MBD5: variants seen among roughly 807,000 people sequenced by gnomAD.
MBD5 encodes methyl-CpG binding domain protein 5.
MBD5 carries 13 observed loss-of-function variants against 117.3 expected under a neutral mutation model. The ratio of observed to expected loss-of-function variants is 0.11; its 90% CI spans 0.07 to 0.18. The LOEUF is 0.18. Among genes scored for constraint, MBD5 ranks in the 10% least tolerant of loss-of-function variants. The pLI, the probability that MBD5 is intolerant of heterozygous loss-of-function variation, is 1.00. For missense variants in MBD5, 1,879 were observed against 2,093.8 expected (o/e 0.90, Z 2.00); for synonymous variants, 727 against 766.4 (o/e 0.95, Z 0.85).
intron 3 of MBD5, among the ~76,000 whole-genome samples, chr2:148,334,339 GT>G (rs1008225428): frequency 1.9e-4 from 28 of 147,142 alleles, no homozygotes; most frequent in Admixed American, 1.1e-3. Context: ...TATTTGTTTT[GT>G]TTTTTTTTTA....
At chr2:148,244,881 A>G (rs192702148) in intron 3 of MBD5, among the ~76,000 whole-genome samples, 1 of 152,294 alleles carries the variant, frequency 6.6e-6, no homozygotes, top group Admixed American at 6.5e-5. Context: ...TGACCCATGA[A>G]TCATAACCAG....
intron 1 of MBD5, among the ~76,000 whole-genome samples, chr2:148,083,666 C>T (rs1160392567): frequency 1.3e-5 from 2 of 151,850 alleles, no homozygotes; most frequent in Non-Finnish European, 2.9e-5. Flanking sequence ...CTTGCTGTGT[C>T]ATCCAGGCTG....
In MBD5 at chr2:148,470,102, C is replaced by A; in HGVS notation, c.2159C>A (p.Thr720Asn). The change falls in exon 8 of 14, where the codon ACC (threonine) becomes AAC (asparagine). Residue 720 changes from threonine to asparagine, a missense_variant. Around this residue, in one of 4 missense-constraint regions of MBD5, gnomAD observed 1,666 missense variants for 1,792.2 expected, o/e 0.93. Transcript: ENST00000642680. ...AGCTCTCACTTGAGTAGCAATAGTACCCCGGGTTGTGGGGCCTCAAATACT... is the reference window on the plus strand; with the variant it reads ...AGCTCTCACTTGAGTAGCAATAGTAACCCGGGTTGTGGGGCCTCAAATACT... ...CQSSHLSSNS[T>N]PGCGASNTAL... 2 of 1,613,814 alleles carry A rather than the reference C, an allele frequency of 1.2e-6. No homozygotes were observed. The highest frequency in any genetic ancestry group is 2.2e-5 in the South Asian group (2 of 91,076).
chr2:148,445,306 G>T (rs768901778), intron 4 of MBD5, among the ~76,000 whole-genome samples: 3 of 150,692 alleles, frequency 2.0e-5, no homozygotes, highest in East Asian at 1.9e-4. Context: ...CCCATGACAG[G>T]CCCCAGTGTG....
At chr2:148,230,567 C>T (rs1699959821) in intron 2 of MBD5, among the ~76,000 whole-genome samples, 1 of 152,140 alleles carries the variant, frequency 6.6e-6, no homozygotes. Flanking sequence ...AACTAAGGTA[C>T]AAGACAAAGT....
At chr2:148,072,807 G>A (rs1359667131) in intron 1 of MBD5, among the ~76,000 whole-genome samples, 2 of 152,150 alleles carry the variant, frequency 1.3e-5, no homozygotes, top group Admixed American at 1.3e-4. Context: ...GGATCTGACT[G>A]GGGGTAATAT....
chr2:148,311,423 T>C (rs893653335), intron 3 of MBD5, among the ~76,000 whole-genome samples: 1 of 152,172 alleles, frequency 6.6e-6, no homozygotes, highest in African/African-American at 2.4e-5. Context: ...TGTCTTTTTT[T>C]ACCTTTGTTG....
chr2:148,150,453 A>C (rs1697623494), intron 1 of MBD5, among the ~76,000 whole-genome samples: 1 of 152,152 alleles, frequency 6.6e-6, no homozygotes, highest in Admixed American at 6.6e-5. Flanking sequence ...TGAACTTTAA[A>C]GTATTTTTTT....
chr2:148,179,034 G>A (rs1424524118), intron 2 of MBD5, among the ~76,000 whole-genome samples: 1 of 152,128 alleles, frequency 6.6e-6, no homozygotes, highest in Non-Finnish European at 1.5e-5. Flanking sequence ...ATACACAAGT[G>A]CAAACCAGTT....
At chr2:148,213,446 G>C (rs1699478459) in intron 2 of MBD5, among the ~76,000 whole-genome samples, 1 of 152,096 alleles carries the variant, frequency 6.6e-6, no homozygotes, top group African/African-American at 2.4e-5. Context: ...GCAGGGAGCA[G>C]GGAATAGGAG....
intron 2 of MBD5, among the ~76,000 whole-genome samples, chr2:148,188,379 G>T (rs1698720981): frequency 1.3e-5 from 2 of 152,066 alleles, no homozygotes; most frequent in South Asian, 4.1e-4. Flanking sequence ...ATCAATAGAG[G>T]AGATAAAGTA....
intron 4 of MBD5, among the ~76,000 whole-genome samples, chr2:148,394,297 A>G (rs1704643023): frequency 6.6e-6 from 1 of 152,138 alleles, no homozygotes; most frequent in Non-Finnish European, 1.5e-5. Context: ...AAAATTTGGT[A>G]GAATCTACTA....
intron 13 of MBD5, 53 bp downstream of exon 13, chr2:148,510,188 T>C (rs1682175693): frequency 2.2e-6 from 3 of 1,365,370 alleles, no homozygotes; most frequent in African/African-American, 2.9e-5. Context: ...ATAAATTGTG[T>C]TACACTTTTT....
chr2:148,475,756 T>TA (rs1380552191), intron 8 of MBD5, among the ~76,000 whole-genome samples: 1 of 152,154 alleles, frequency 6.6e-6, no homozygotes, highest in East Asian at 1.9e-4. Flanking sequence ...ACCCAGATTC[T>TA]ATGGAGTAAT....
chr2:148,377,537 CAAAT>C (rs1255865370), intron 4 of MBD5, among the ~76,000 whole-genome samples: 2 of 152,208 alleles, frequency 1.3e-5, no homozygotes, highest in African/African-American at 2.4e-5. Flanking sequence ...ACTAAGCAAA[CAAAT>C]AGATGCCTTG....
chr2:148,036,988 GATAATT>G (rs1329517880), intron 1 of MBD5, among the ~76,000 whole-genome samples: 1 of 150,304 alleles, frequency 6.7e-6, no homozygotes, highest in Non-Finnish European at 1.5e-5. Flanking sequence ...TTTTTAAAGA[GATAATT>G]ATAAATGGTT....
chr2:148,462,584 C>T lies in MBD5; in HGVS notation c.116C>T (p.Pro39Leu). The change falls in exon 6 of 14, where the codon CCC becomes CTC. Residue 39 changes from proline (P) to leucine (L), a missense_variant and splice_region_variant. Transcript: ENST00000642680. ...VDQNGVLYVS[P>L]SGSLLSCLEQ... ...GTTTTTTTAAACTATTTTTACAGTCCCAGTGGGTCTTTGTTATCTTGCTTG... is the reference window on the plus strand; with the variant it reads ...GTTTTTTTAAACTATTTTTACAGTCTCAGTGGGTCTTTGTTATCTTGCTTG... 6.3e-7 allele frequency: 1 copy of T among 1,585,396 alleles called. No homozygotes were observed. Among genetic ancestry groups the T allele is most frequent in the Non-Finnish European group, 8.7e-7 (1 of 1,154,744 alleles).
At chr2:148,493,796 A>G (rs193258006) in intron 11 of MBD5, among the ~76,000 whole-genome samples, 103 of 152,304 alleles carry the variant, frequency 6.8e-4, no homozygotes, top group Non-Finnish European at 1.3e-3. Flanking sequence ...ATTTCCTAAA[A>G]GGTATGGTTT....
chr2:148,052,052 C>G (rs371352671), intron 1 of MBD5, among the ~76,000 whole-genome samples: 1 of 151,270 alleles, frequency 6.6e-6, no homozygotes. Context: ...TCTTTTTTTT[C>G]TTGGGTAGTC....
Sources: gnomAD v4.1 joint callset for allele counts (sites outside exome capture counted in the v4.1 genomes callset) on GRCh38, gnomAD v4.1.1 for gene constraint, gnomAD v4.1.1 regional missense constraint, MANE v1.5 for transcripts, NCBI Gene and HGNC (gene_info 2026-07-23, HGNC 2026-07-21) for gene names.